The following DST variants were observed in gnomAD, a reference collection of about 807,000 sequenced individuals.
DST encodes bullous pemphigoid antigen.
DST carries 253 observed loss-of-function variants against 875.2 expected under a neutral mutation model. The ratio of observed to expected loss-of-function variants is 0.29; its 90% CI spans 0.26 to 0.32. The LOEUF (loss-of-function observed/expected upper bound fraction) is 0.32, where lower values mean the gene tolerates loss of function less well. Ranked by LOEUF, DST falls within the 10% of genes least tolerant of loss-of-function variation. The probability of loss-of-function intolerance (pLI) is 1.00; values close to 1 mark genes in which losing one functional copy is unlikely to be tolerated. For missense variants in DST, 8,287 were observed against 9,111.6 expected (o/e 0.91, Z 3.68); for synonymous variants, 3,124 against 3,197.1 (o/e 0.98, Z 0.77).
At chr6:56,474,119 A>G in intron 92 of DST, 117 bp from the exon 93 acceptor site, 1 of 866,354 alleles carries the variant, frequency 1.2e-6, no homozygotes, top group Non-Finnish European at 1.7e-6. Context: ...AGAAGAATAA[A>G]TCATATGCTT....
At position 56,511,363 on chromosome 6, in the gene DST, A is replaced by G. The variant is rs1474234637; in HGVS notation, c.18614T>C (p.Ile6205Thr). 6.2e-7 allele frequency: 1 copy of G among 1,607,978 alleles called. No homozygotes were observed. Among genetic ancestry groups the G allele is most frequent in the Admixed American group, 1.7e-5 (1 of 59,284 alleles). The part of the protein sequence containing the change: ...RELIAEHKPH[I>T]DKMNKTGPQL... ...TGGCCCAGTTTTGTTCATCTTATCT[A>G]TATGAGGCTTGTGTTCAGCTATCAA... Residue 6205 changes from isoleucine to threonine, a missense_variant, in exon 73 of 104, where the codon ATA becomes ACA. This residue lies in a region of DST where 1,292 missense variants were observed against 1,552.7 expected (regional missense o/e 0.83). Transcript: ENST00000680361.
In DST at chr6:56,492,962, G is replaced by T; in HGVS notation, c.20522C>A (p.Thr6841Lys). The change falls in exon 84 of 104, where the codon ACA becomes AAA. Residue 6841 changes from threonine to lysine, a missense_variant. By Grantham distance (78) the Thr-to-Lys change is moderately conservative. Coordinates refer to ENST00000680361, the MANE Select transcript of DST (RefSeq NM_001374736.1). Reference protein sequence around the residue: ...VASRPSLILDTVLFQIDEHKV... With the variant: ...VASRPSLILDKVLFQIDEHKV... ...GTGTTCGTCAATTTGAAATAAGACT[G>T]TGTCCAAGATGAGACTTGGCCGAGA... is the stretch of plus-strand genomic sequence containing the variant. 1 of 1,610,466 alleles carries T rather than the reference G, an allele frequency of 6.2e-7. No individual in the cohort carries two copies. The highest frequency in any genetic ancestry group is 8.5e-7 in the Non-Finnish European group (1 of 1,178,252).
At chr6:56,623,406 A>G (rs1414747905) in intron 36 of DST, among the ~76,000 whole-genome samples, 1 of 152,212 alleles carries the variant, frequency 6.6e-6, no homozygotes, top group Non-Finnish European at 1.5e-5. Context: ...ATGTTCTTTC[A>G]TAGATGAGAG....
intron 4 of DST, among the ~76,000 whole-genome samples, chr6:56,754,090 T>C (rs143845083): frequency 0.012 from 1,858 of 152,254 alleles, 33 homozygotes; most frequent in African/African-American, 0.042. Context: ...ACAAAAGAAA[T>C]GACTTTCGGT....
chr6:56,603,449 T>C (rs1271869041), intron 41 of DST, 29 bp from the exon 42 acceptor site: 1 of 1,601,216 alleles, frequency 6.2e-7, no homozygotes, highest in South Asian at 1.1e-5. Flanking sequence ...CGGACCTATT[T>C]ACTATTTAGT....
At chr6:56,722,919 T>C (rs2099428278) in intron 5 of DST, among the ~76,000 whole-genome samples, 1 of 152,222 alleles carries the variant, frequency 6.6e-6, no homozygotes. Context: ...TTCCTTCAAC[T>C]CATTTTCTGT....
At chr6:56,782,749 T>C (rs1281929564) in intron 4 of DST, among the ~76,000 whole-genome samples, 1 of 152,210 alleles carries the variant, frequency 6.6e-6, no homozygotes, top group Admixed American at 6.5e-5. Flanking sequence ...TTTTCGTTAT[T>C]TCTTGCCTTC....
At chr6:56,465,542 C>T (rs775353313) in intron 99 of DST, among the ~76,000 whole-genome samples, 6 of 151,848 alleles carry the variant, frequency 4.0e-5, no homozygotes, top group Non-Finnish European at 8.8e-5. Context: ...ATGTAGAGAG[C>T]TATAGTATTA....
At chr6:56,902,120 T>C (rs1794398007) in intron 2 of DST, among the ~76,000 whole-genome samples, 2 of 152,218 alleles carry the variant, frequency 1.3e-5, no homozygotes, top group Admixed American at 6.5e-5. Context: ...AATGAATGAA[T>C]AATACATAGA....
rs1185540116 is a variant in DST at position 56,670,418 on chromosome 6, C to T, written c.1214+223G>A. The T allele has an allele frequency of 2.4e-5, 8 of 330,130 alleles. No individual in the cohort carries two copies. In the East Asian group the frequency reaches 3.6e-4, roughly 15 times the overall value. 20.5% of individuals were successfully genotyped at this position (330,130 alleles called of 1,614,324 possible). A position where few individuals can be genotyped will look rare whatever the true frequency, so the allele number is the denominator to read the frequency against. The stretch of plus-strand genomic sequence containing the variant: ...TTTACCCTTTTGCCAAGGCTGTTCT[C>T]GAACTCCCAGGCTCAAGCAATCTAC... On this transcript the variant is annotated intron_variant, in intron 10 of 103. Coordinates refer to ENST00000680361, the MANE Select transcript of DST (RefSeq NM_001374736.1).
chr6:56,701,989 T>C (rs934387298), intron 7 of DST, 24 bp from the exon 8 acceptor site: 5 of 1,452,226 alleles, frequency 3.4e-6, no homozygotes, highest in South Asian at 1.2e-5. Flanking sequence ...AATGCAGGTA[T>C]GAAAAAGAGT....
Position 56,529,992 on chromosome 6 carries a change from T to A in DST, c.17250A>T (p.Glu5750Asp). 6.2e-7 allele frequency: 1 copy of A among 1,613,616 alleles called. No individual in the cohort carries two copies. Among genetic ancestry groups the A allele is most frequent in the Middle Eastern group, 1.7e-4 (1 of 6,060 alleles). ...PIGTQASKLEEQIAQHKALED... is the reference protein window; with the variant it reads ...PIGTQASKLEDQIAQHKALED... ...ATCTTACTTTGTGCTGTGCAATTTGTTCCTCAAGTTTAGATGCTTGGGTTC... is the reference window on the plus strand; with the variant it reads ...ATCTTACTTTGTGCTGTGCAATTTGATCCTCAAGTTTAGATGCTTGGGTTC... Residue 5750 changes from glutamate (E) to aspartate (D), a missense_variant, in exon 65 of 104, where the codon GAA (glutamate) becomes GAT (aspartate). By Grantham distance (45) the Glu-to-Asp change is conservative. This residue lies in a region of DST where 777 missense variants were observed against 764.8 expected (regional missense o/e 1.02). Coordinates refer to ENST00000680361, the MANE Select transcript of DST (RefSeq NM_001374736.1).
intron 5 of DST, among the ~76,000 whole-genome samples, chr6:56,721,941 C>A (rs2099418253): frequency 6.6e-6 from 1 of 152,100 alleles, no homozygotes; most frequent in South Asian, 2.1e-4. Flanking sequence ...GCTTTGAGGG[C>A]CATATAGTAT....
chr6:56,857,295 A>G (rs1215585480), intron 3 of DST, among the ~76,000 whole-genome samples: 1 of 152,194 alleles, frequency 6.6e-6, no homozygotes, highest in Non-Finnish European at 1.5e-5. Context: ...TGGGATAACA[A>G]GCATGAGCCA....
At chr6:56,659,216 G>T (rs892459090) in intron 10 of DST, among the ~76,000 whole-genome samples, 1 of 152,172 alleles carries the variant, frequency 6.6e-6, no homozygotes, top group African/African-American at 2.4e-5. Flanking sequence ...CAAGTCAGGA[G>T]ATATTGAGAA....
At chr6:56,493,963 T>A (rs750363579) in intron 83 of DST, 47 bp downstream of exon 83, 1 of 1,421,724 alleles carries the variant, frequency 7.0e-7, no homozygotes, top group South Asian at 1.8e-5. Context: ...GTCCAAGACA[T>A]GAAACAACTA....
At chr6:56,945,119 T>C (rs1440169155) in intron 2 of DST, among the ~76,000 whole-genome samples, 1 of 152,248 alleles carries the variant, frequency 6.6e-6, no homozygotes, top group African/African-American at 2.4e-5. Context: ...AATCCCTGTT[T>C]ATTAATAACC....
intron 3 of DST, among the ~76,000 whole-genome samples, chr6:56,896,370 G>T (rs1194894944): frequency 6.6e-6 from 1 of 152,008 alleles, no homozygotes; most frequent in Admixed American, 6.6e-5. Context: ...GGTTTATCAG[G>T]GGTTTCTGCT....
At chr6:56,892,416 G>A (rs997849819) in intron 3 of DST, among the ~76,000 whole-genome samples, 6 of 149,490 alleles carry the variant, frequency 4.0e-5, no homozygotes, top group Non-Finnish European at 7.4e-5. Flanking sequence ...CTGGAACTCC[G>A]GGCTCAAGTG....
Sources: allele counts gnomAD v4.1 joint callset (sites outside exome capture counted in the v4.1 genomes callset), GRCh38; gene constraint gnomAD v4.1.1; regional missense constraint gnomAD v4.1.1; transcripts MANE v1.5; gene names NCBI Gene and HGNC (gene_info 2026-07-23, HGNC 2026-07-21).